The following KCNJ13 variants were observed in gnomAD, a reference collection of about 807,000 sequenced individuals.
The protein encoded by KCNJ13 is potassium inwardly rectifying channel subfamily J member 13, also known as inward rectifier potassium channel 13.
KCNJ13 carries 9 observed loss-of-function variants against 24.6 expected under a neutral mutation model. That is an observed-to-expected ratio of 0.37 (90% CI 0.22 to 0.64). The LOEUF (loss-of-function observed/expected upper bound fraction) is 0.64, where lower values mean the gene tolerates loss of function less well. KCNJ13 is among the 30% of genes least tolerant of loss of function. KCNJ13 has a pLI of 0.64. For synonymous variants in KCNJ13, 148 were observed against 154.7 expected, an observed-to-expected ratio of 0.96 and a Z score of 0.32; for missense variants, 337 against 443.8, an observed-to-expected ratio of 0.76 and a Z score of 2.16.
chr2:232,771,234 A>G lies in KCNJ13; in HGVS notation c.129T>C (p.Asp43=). 1.2e-6 allele frequency: 2 copies of G among 1,610,662 alleles called. No individual in the cohort carries two copies. The highest frequency in any genetic ancestry group is 1.7e-6 in the Non-Finnish European group (2 of 1,177,262). The part of the protein sequence containing the change: ...GAQRGLAYLR[D]AWGILMDMRW... ...GCATGTCCATTAGGATTCCCCAAGC[A>G]TCTCGAAGATATGCAAGACCTCTTT... The change falls in exon 2 of 3, where the codon GAT becomes GAC. Residue 43 remains aspartate, a synonymous_variant. Coordinates refer to ENST00000233826, the MANE Select transcript of KCNJ13 (RefSeq NM_002242.4).
In KCNJ13 at chr2:232,767,927, T is replaced by C; in HGVS notation, c.*264A>G. ...TTACTAGTATCATACCACATTCTTA[T>C]AAATTCACCAGCAACATTTCTGTAT... On this transcript the variant is annotated 3_prime_UTR_variant, in exon 3 of 3. Transcript: ENST00000233826. The C allele has an allele frequency of 8.8e-6, 4 of 454,038 alleles. No homozygotes were observed. Among genetic ancestry groups the C allele is most frequent in the South Asian group, 6.8e-5 (3 of 43,848 alleles). 28.1% of individuals were successfully genotyped at this position (454,038 alleles called of 1,614,324 possible).
intron 1 of KCNJ13, among the ~76,000 whole-genome samples, chr2:232,773,138 A>G (rs1018717656): frequency 6.6e-6 from 1 of 152,152 alleles, no homozygotes. Flanking sequence ...TTTATAACTT[A>G]TTACCCTAAC....
rs1234673703 is a variant in KCNJ13, at chr2:232,768,001, T to G, written c.*190A>C. On this transcript the variant is annotated 3_prime_UTR_variant, in exon 3 of 3. Transcript: ENST00000233826. The stretch of plus-strand genomic sequence containing the variant: ...ATTGATTTCAGCAGGTAACAAACTT[T>G]GTAATGTAGAGTGTTATGTTTCCAG... The G allele has an allele frequency of 4.5e-5, 27 of 601,116 alleles. No homozygotes were observed. The highest frequency in any genetic ancestry group is 7.3e-5 in the Non-Finnish European group (25 of 341,964). 37.2% of individuals were successfully genotyped at this position (601,116 alleles called of 1,614,324 possible).
At position 232,771,291 on chromosome 2, in the gene KCNJ13, A is replaced by G. The variant is rs749953165; in HGVS notation, c.72T>C (p.Asp24=). The G allele has an allele frequency of 1.8e-5, 29 of 1,609,900 alleles. No individual in the cohort carries two copies. The East Asian group carries it at 6.2e-4, about 35-fold the overall frequency. The change falls in exon 2 of 3, where the codon GAT becomes GAC. Residue 24 remains aspartate (D), a synonymous_variant. Transcript: ENST00000233826. ...CATCCATTTGAAGTGTGCTGTGGCC[A>G]TCCTTGGTGACCATCCTCCGGTATC... ...SQRYRRMVTK[D]GHSTLQMDGA...
intron 2 of KCNJ13, among the ~76,000 whole-genome samples, chr2:232,770,540 A>G (rs754470350): frequency 6.6e-6 from 1 of 152,320 alleles, no homozygotes; most frequent in Non-Finnish European, 1.5e-5. Context: ...TAGGTATTGA[A>G]TGTATTTATT....
chr2:232,772,252 T>A (rs1346918501), intron 1 of KCNJ13, among the ~76,000 whole-genome samples: 2 of 152,174 alleles, frequency 1.3e-5, no homozygotes, highest in African/African-American at 4.8e-5. Flanking sequence ...TTTGTTTTTG[T>A]CACTTTGCAA....
At chr2:232,773,606 G>C (rs1394957265) in intron 1 of KCNJ13, among the ~76,000 whole-genome samples, 1 of 152,030 alleles carries the variant, frequency 6.6e-6, no homozygotes, top group Non-Finnish European at 1.5e-5. Flanking sequence ...CCCTGAAACT[G>C]TCTCAAGTAT....
In KCNJ13 at chr2:232,771,859, T is replaced by TA. The variant is rs575857666; in HGVS notation, c.-16-482dup. On this transcript the variant is annotated intron_variant, in intron 1 of 2. Transcript: ENST00000233826. Reference sequence around the variant, plus strand: ...AATTAGAAGTCATTTGGAAGCTTATTATTAAACTGTCTGCAAATCCTTTGA... The same window carrying TA: ...AATTAGAAGTCATTTGGAAGCTTATTAATTAAACTGTCTGCAAATCCTTTGA... Among the ~76,000 whole-genome samples, 287 of 152,346 alleles carry TA rather than the reference T, an allele frequency of 1.9e-3. 3 individuals are homozygous for TA. The highest frequency in any genetic ancestry group is 6.6e-3 in the African/African-American group (273 of 41,584).
At chr2:232,769,844 T>C (rs913495125) in intron 2 of KCNJ13, among the ~76,000 whole-genome samples, 4 of 152,220 alleles carry the variant, frequency 2.6e-5, no homozygotes, top group Non-Finnish European at 5.9e-5. Context: ...TATAGTACTA[T>C]ATGTGCCTTA....
chr2:232,771,363 C>T lies in KCNJ13; in HGVS notation c.-1G>A. Reference sequence around the variant, plus strand: ...TAACTTTGCAATTACTGCTGTCCATCTCAGGCTGTATTTCTCTAAAATCAA... The same window carrying T: ...TAACTTTGCAATTACTGCTGTCCATTTCAGGCTGTATTTCTCTAAAATCAA... On this transcript the variant is annotated 5_prime_UTR_variant, in exon 2 of 3. Coordinates refer to ENST00000233826, the MANE Select transcript of KCNJ13 (RefSeq NM_002242.4). 1 of 1,603,864 alleles carries T rather than the reference C, an allele frequency of 6.2e-7. No individual in the cohort carries two copies. Among genetic ancestry groups the T allele is most frequent in the South Asian group, 1.1e-5 (1 of 90,706 alleles).
In KCNJ13 at chr2:232,773,442, C is replaced by T. The variant is rs529922092; in HGVS notation, c.-16-2064G>A. The stretch of plus-strand genomic sequence containing the variant: ...GCTTTGGATTATTTGGATGGTTATT[C>T]AAGTCTAGCTAACTTCAAAGCCAGT... On this transcript the variant is annotated intron_variant, in intron 1 of 2. Transcript: ENST00000233826. 2.1e-3 allele frequency among the ~76,000 whole-genome samples: 312 copies of T among 152,094 alleles called. 1 individual carries two copies. The highest frequency in any genetic ancestry group is 7.1e-3 in the African/African-American group (296 of 41,496).
chr2:232,771,046 A>T lies in KCNJ13; in HGVS notation c.317T>A (p.Phe106Tyr). 2 of 1,614,006 alleles carry T rather than the reference A, an allele frequency of 1.2e-6. No homozygotes were observed. The highest frequency in any genetic ancestry group is 4.5e-5 in the East Asian group (2 of 44,900). ...HTICVKYITS[F>Y]TAAFSFSLET... ...CAGGGAGAAGGAGAATGCAGCTGTG[A>T]AACTGGTGATATACTTGACACAGAT... Residue 106 changes from phenylalanine to tyrosine, a missense_variant, in exon 2 of 3, where the codon TTC becomes TAC. Physicochemically the swap from Phe to Tyr is conservative, Grantham distance 22 (BLOSUM62 3). This residue lies in a region of KCNJ13 where 101 missense variants were observed against 139.2 expected (regional missense o/e 0.73). Coordinates refer to ENST00000233826, the MANE Select transcript of KCNJ13 (RefSeq NM_002242.4).
chr2:232,773,219 T>C (rs1362237362), intron 1 of KCNJ13, among the ~76,000 whole-genome samples: 2 of 152,212 alleles, frequency 1.3e-5, no homozygotes, highest in Non-Finnish European at 2.9e-5. Context: ...TTTTGTTAGA[T>C]TATTTTTAAA....
At chr2:232,771,797 G>A (rs1490509356) in intron 1 of KCNJ13, among the ~76,000 whole-genome samples, 1 of 152,016 alleles carries the variant, frequency 6.6e-6, no homozygotes, top group Non-Finnish European at 1.5e-5. Flanking sequence ...AATTAAAAGG[G>A]GTATGTTTAA....
rs956131677 is a variant in KCNJ13 at position 232,768,326 on chromosome 2, C to G, written c.948G>C (p.Glu316Asp). Reference protein sequence around the residue: ...GSKGEYQIKMENFDKTVPEFP... With the variant: ...GSKGEYQIKMDNFDKTVPEFP... The stretch of plus-strand genomic sequence containing the variant: ...ATTCAGGGACAGTCTTGTCAAAATT[C>G]TCCATCTTGATTTGATATTCACCTT... The change falls in exon 3 of 3, where the codon GAG (glutamate) becomes GAC (aspartate). Residue 316 changes from glutamate (E) to aspartate (D), a missense_variant. Coordinates refer to ENST00000233826, the MANE Select transcript of KCNJ13 (RefSeq NM_002242.4). 1 of 1,614,162 alleles carries G rather than the reference C, an allele frequency of 6.2e-7. No homozygotes were observed. The highest frequency in any genetic ancestry group is 8.5e-7 in the Non-Finnish European group (1 of 1,180,018).
rs143607153 is a variant in KCNJ13, at chr2:232,768,552, A to T, written c.722T>A (p.Leu241Gln). 3.6e-5 allele frequency: 58 copies of T among 1,614,060 alleles called. No individual in the cohort carries two copies. In the African/African-American group the frequency reaches 7.6e-4, roughly 21 times the overall value. ...TGGTGTAATGGAGTGATAGTACGTT[A>T]GTGGAAAGATGAAGAATGGACATTC... ...SDECPFFIFPLTYYHSITPSS... is the reference protein window; with the variant it reads ...SDECPFFIFPQTYYHSITPSS... The change falls in exon 3 of 3, where the codon CTA (leucine) becomes CAA (glutamine). Residue 241 changes from leucine to glutamine, a missense_variant. By Grantham distance (113) the Leu-to-Gln change is moderately radical (BLOSUM62 -2). This residue lies in a region of KCNJ13 where 235 missense variants were observed against 286.9 expected (regional missense o/e 0.82). Transcript: ENST00000233826.
Position 232,766,709 on chromosome 2 carries a change from T to C in KCNJ13, c.*1482A>G, listed in dbSNP as rs1170335585. ...CTTAGACCACTCCAGAGTTCTTCTTTATTTTCTTTTCCTTTTGGTCAAATA... is the reference window on the plus strand; with the variant it reads ...CTTAGACCACTCCAGAGTTCTTCTTCATTTTCTTTTCCTTTTGGTCAAATA... On this transcript the variant is annotated 3_prime_UTR_variant, in exon 3 of 3. Coordinates refer to ENST00000233826, the MANE Select transcript of KCNJ13 (RefSeq NM_002242.4). 6 of 152,198 alleles carry C rather than the reference T, an allele frequency of 3.9e-5. No homozygotes were observed. The highest frequency in any genetic ancestry group is 8.8e-5 in the Non-Finnish European group (6 of 68,000). The allele number at this position is 152,198 out of a possible 1,614,324, so 9.4% of individuals were successfully genotyped here. A position where few individuals can be genotyped will look rare whatever the true frequency, so the allele number is the denominator to read the frequency against.
rs1217887322 is a variant in KCNJ13, at chr2:232,768,289, G to C, written c.985C>G (p.Leu329Val). 6.2e-7 allele frequency: 1 copy of C among 1,614,182 alleles called. No homozygotes were observed. The highest frequency in any genetic ancestry group is 8.5e-7 in the Non-Finnish European group (1 of 1,180,012). ...DKTVPEFPTPLVSKSPNRTDL... is the reference protein window; with the variant it reads ...DKTVPEFPTPVVSKSPNRTDL... ...GTCCTGTTTGGGCTTTTAGAAACCA[G>C]AGGAGTTGGAAATTCAGGGACAGTC... The change falls in exon 3 of 3, where the codon CTG becomes GTG. Residue 329 changes from leucine to valine, a missense_variant. By Grantham distance (32) the Leu-to-Val change is conservative (BLOSUM62 1). Coordinates refer to ENST00000233826, the MANE Select transcript of KCNJ13 (RefSeq NM_002242.4).
chr2:232,769,752 G>A (rs1454270694), intron 2 of KCNJ13, among the ~76,000 whole-genome samples: 1 of 152,028 alleles, frequency 6.6e-6, no homozygotes, highest in Non-Finnish European at 1.5e-5. Flanking sequence ...GTACTTACCA[G>A]AATTATGTTT....
Sources: gnomAD v4.1 joint callset for allele counts (sites outside exome capture counted in the v4.1 genomes callset) on GRCh38, gnomAD v4.1.1 for gene constraint, gnomAD v4.1.1 regional missense constraint, MANE v1.5 for transcripts, NCBI Gene and HGNC (gene_info 2026-07-23, HGNC 2026-07-21) for gene names.